DCAF12: variants seen among roughly 807,000 people sequenced by gnomAD.
DCAF12 encodes the protein DDB1- and CUL4-associated factor 12.
In DCAF12, 28 loss-of-function variants were observed where a neutral mutation model predicts 52.8. The observed-to-expected ratio is 0.53, with a 90% CI of 0.39 to 0.73. DCAF12 has a LOEUF of 0.73. DCAF12 is among the 30% of genes least tolerant of loss of function. The probability of loss-of-function intolerance (pLI) is 0.00; values close to 1 mark genes in which losing one functional copy is unlikely to be tolerated. For missense variants in DCAF12, 425 were observed against 552.2 expected, an observed-to-expected ratio of 0.77 and a Z score of 2.31; for synonymous variants, 196 against 215.5, an observed-to-expected ratio of 0.91 and a Z score of 0.79.
At chr9:34,119,284 C>T (rs139769951) in intron 2 of DCAF12, among the ~76,000 whole-genome samples, 20 of 152,246 alleles carry the variant, frequency 1.3e-4, no homozygotes, top group African/African-American at 3.9e-4. Flanking sequence ...ATTGTACAAA[C>T]GATACTTTAT....
chr9:34,100,085 G>A (rs1308064306), intron 4 of DCAF12, among the ~76,000 whole-genome samples: 1 of 151,550 alleles, frequency 6.6e-6, no homozygotes, highest in Non-Finnish European at 1.5e-5. Context: ...GGTAGACAGG[G>A]CAATAGTGGC....
intron 7 of DCAF12, among the ~76,000 whole-genome samples, chr9:34,090,150 G>C (rs1173249595): frequency 2.0e-5 from 3 of 152,060 alleles, no homozygotes; most frequent in African/African-American, 7.2e-5. Context: ...TGCAACCTCT[G>C]CCTTCCGGGT....
At chr9:34,123,048 A>G (rs1327646103) in intron 2 of DCAF12, among the ~76,000 whole-genome samples, 2 of 152,242 alleles carry the variant, frequency 1.3e-5, no homozygotes, top group Admixed American at 6.5e-5. Context: ...TTGAGTAAAA[A>G]TATGACTTTA....
chr9:34,111,847 A>G (rs1256849658), intron 2 of DCAF12, among the ~76,000 whole-genome samples: 1 of 152,164 alleles, frequency 6.6e-6, no homozygotes, highest in Non-Finnish European at 1.5e-5. Context: ...TGAGACTTGA[A>G]GCATGGGCCA....
rs371723555 is a variant in DCAF12 at position 34,098,311 on chromosome 9, C to T, written c.795+13G>A. 2 of 1,611,170 alleles carry T rather than the reference C, an allele frequency of 1.2e-6. No individual in the cohort carries two copies. Among genetic ancestry groups the T allele is most frequent in the African/African-American group, 2.7e-5 (2 of 74,838 alleles). ...GAGGAATACACGTCAGGGATCCCTA[C>T]ACAAGTTCATACCTTGTTCTTGTTG... On this transcript the variant is annotated intron_variant, in intron 5 of 8. Transcript: ENST00000361264.
intron 7 of DCAF12, among the ~76,000 whole-genome samples, chr9:34,091,309 A>G (rs1828640295): frequency 6.6e-6 from 1 of 152,020 alleles, no homozygotes; most frequent in African/African-American, 2.4e-5. Flanking sequence ...CCTAGGTGAC[A>G]GAGCAAGACT....
chr9:34,104,968 T>C (rs1828881902), intron 4 of DCAF12, among the ~76,000 whole-genome samples: 1 of 151,694 alleles, frequency 6.6e-6, no homozygotes, highest in Non-Finnish European at 1.5e-5. Context: ...ATGCATCTTC[T>C]AAATGATCTC....
At chr9:34,104,211 GCCAAGATGCACT>G (rs1226265041) in intron 4 of DCAF12, among the ~76,000 whole-genome samples, 2 of 151,862 alleles carry the variant, frequency 1.3e-5, no homozygotes, top group Non-Finnish European at 2.9e-5. Flanking sequence ...GTTGCAGTGA[GCCAAGATGCACT>G]CCAGCCTGGG....
chr9:34,108,793 C>CAAA (rs1234542589), intron 2 of DCAF12, among the ~76,000 whole-genome samples: 18 of 81,288 alleles, frequency 2.2e-4, no homozygotes, highest in Admixed American at 4.0e-4. Context: ...GACTTGGTCT[C>CAAA]AAAAAAAATA....
chr9:34,121,725 A>C (rs140681303), intron 2 of DCAF12, among the ~76,000 whole-genome samples: 46,395 of 151,958 alleles, frequency 0.31, 7,552 homozygotes, highest in Non-Finnish European at 0.36. Flanking sequence ...CAGGCGGATC[A>C]CGAGGTCAGA....
At chr9:34,089,288 C>T in intron 8 of DCAF12, 124 bp downstream of exon 8, 1 of 1,137,614 alleles carries the variant, frequency 8.8e-7, no homozygotes, top group Non-Finnish European at 1.2e-6. Context: ...TTTTCCTGTT[C>T]CAATGAGTGC....
chr9:34,103,638 G>C (rs1473265014), intron 4 of DCAF12, among the ~76,000 whole-genome samples: 1 of 152,086 alleles, frequency 6.6e-6, no homozygotes, highest in African/African-American at 2.4e-5. Flanking sequence ...AGGATCGCTT[G>C]AGCCTAGGAG....
chr9:34,116,937 C>T (rs1486473453), intron 2 of DCAF12, among the ~76,000 whole-genome samples: 1 of 152,202 alleles, frequency 6.6e-6, no homozygotes, highest in Non-Finnish European at 1.5e-5. Context: ...CGAGATCGTG[C>T]CCCTACACTC....
chr9:34,090,996 T>C (rs960406046), intron 7 of DCAF12, among the ~76,000 whole-genome samples: 2 of 152,120 alleles, frequency 1.3e-5, no homozygotes, highest in African/African-American at 4.8e-5. Flanking sequence ...TTATACATTA[T>C]TCTTTGTTCT....
In DCAF12 at chr9:34,087,895, A is replaced by T. The variant is rs1828584459; in HGVS notation, c.*455T>A. On this transcript the variant is annotated 3_prime_UTR_variant, in exon 9 of 9. Transcript: ENST00000361264. ...CCTACAGGCACACAAGATCACACACACACACGCAGACAAGATCTCTCTCTC... is the reference window on the plus strand; with the variant it reads ...CCTACAGGCACACAAGATCACACACTCACACGCAGACAAGATCTCTCTCTC... 6.5e-6 allele frequency: 1 copy of T among 153,326 alleles called. No individual in the cohort carries two copies. Among genetic ancestry groups the T allele is most frequent in the Admixed American group, 6.5e-5 (1 of 15,356 alleles). 9.5% of individuals were successfully genotyped at this position (153,326 alleles called of 1,614,324 possible). A position where few individuals can be genotyped will look rare whatever the true frequency, so the allele number is the denominator to read the frequency against.
At chr9:34,115,720 G>A (rs917131555) in intron 2 of DCAF12, among the ~76,000 whole-genome samples, 4 of 151,888 alleles carry the variant, frequency 2.6e-5, no homozygotes, top group African/African-American at 9.7e-5. Context: ...ACTAGTGATG[G>A]GTGAACAGTT....
intron 7 of DCAF12, among the ~76,000 whole-genome samples, chr9:34,091,661 A>AAC (rs1554698965): frequency 1.0e-4 from 15 of 148,562 alleles, no homozygotes; most frequent in African/African-American, 3.5e-4. Flanking sequence ...AAAAAAAAAA[A>AAC]CCACAAAAAA....
At position 34,086,738 on chromosome 9, in the gene DCAF12, G is replaced by C. The variant is rs1021055387; in HGVS notation, c.*1612C>G. On this transcript the variant is annotated 3_prime_UTR_variant, in exon 9 of 9. Coordinates refer to ENST00000361264, the MANE Select transcript of DCAF12 (RefSeq NM_015397.4). ...ACCTGTGGTATGTGCTGTGTAACAAGTTAGGGTGGACTTGCTGTCTCTCCT... is the reference window on the plus strand; with the variant it reads ...ACCTGTGGTATGTGCTGTGTAACAACTTAGGGTGGACTTGCTGTCTCTCCT... 6.6e-6 allele frequency: 1 copy of C among 152,182 alleles called. No individual in the cohort carries two copies. The allele number at this position is 152,182 out of a possible 1,614,324, so 9.4% of individuals were successfully genotyped here.
rs1019481848 is a variant in DCAF12 at position 34,124,889 on chromosome 9, G to A, written c.333+134C>T. On this transcript the variant is annotated intron_variant, in intron 2 of 8. Transcript: ENST00000361264. ...ACGAAAAGAGGAAGAAGTCACCAAC[G>A]GGAAAGAATGGAAAGGAGAGTAAGG... 4.4e-6 allele frequency: 5 copies of A among 1,149,410 alleles called. No individual in the cohort carries two copies. In the African/African-American group the frequency reaches 4.6e-5, roughly 11 times the overall value. 71.2% of individuals were successfully genotyped at this position (1,149,410 alleles called of 1,614,324 possible).
Sources: gnomAD v4.1 joint callset for allele counts (sites outside exome capture counted in the v4.1 genomes callset) on GRCh38, gnomAD v4.1.1 for gene constraint, MANE v1.5 for transcripts, NCBI Gene and HGNC (gene_info 2026-07-23, HGNC 2026-07-21) for gene names.